Variants in VCL observed in about 807,000 individuals in gnomAD.
VCL encodes the protein epididymis luminal protein 114.
In VCL, 47 loss-of-function variants were observed where a neutral mutation model predicts 125.7. The observed-to-expected ratio is 0.37, with a 90% confidence interval of 0.30 to 0.48. VCL has a LOEUF of 0.48. Among genes scored for constraint, VCL ranks in the 20% least tolerant of loss-of-function variants. The probability of loss-of-function intolerance (pLI) is 0.99; values close to 1 mark genes in which losing one functional copy is unlikely to be tolerated. For missense variants in VCL, 1,069 were observed against 1,455.5 expected, an observed-to-expected ratio of 0.73 and a Z score of 4.32; for synonymous variants, 458 against 514.6, an observed-to-expected ratio of 0.89 and a Z score of 1.49.
At chr10:74,066,152 C>T (rs376357844) in intron 2 of VCL, among the ~76,000 whole-genome samples, 5 of 149,394 alleles carry the variant, frequency 3.3e-5, no homozygotes, top group African/African-American at 1.0e-4. Flanking sequence ...CTCCGCCTCC[C>T]GGGTTCAAGT....
intron 4 of VCL, 67 bp from the exon 5 acceptor site, chr10:74,072,663 G>A (rs1841679190): frequency 6.2e-7 from 1 of 1,611,586 alleles, no homozygotes; most frequent in Non-Finnish European, 8.5e-7. Context: ...AATGGATTTA[G>A]ACTGAGAAAG....
chr10:74,036,482 G>A (rs1026706386), intron 1 of VCL, among the ~76,000 whole-genome samples: 4 of 152,018 alleles, frequency 2.6e-5, no homozygotes, highest in African/African-American at 7.3e-5. Context: ...GATTACAGGC[G>A]TGAGCCACCG....
intron 2 of VCL, among the ~76,000 whole-genome samples, chr10:74,050,924 A>T (rs933331880): frequency 2.1e-5 from 3 of 140,984 alleles, no homozygotes; most frequent in Admixed American, 7.6e-5. Context: ...ATAATTTAGT[A>T]CTACTGTATT....
chr10:74,063,631 A>G (rs1000045117), intron 2 of VCL: 1 of 152,220 alleles, frequency 6.6e-6, no homozygotes, highest in Non-Finnish European at 1.5e-5. Flanking sequence ...TCTTTGAAGA[A>G]TGAGGACAAA....
At chr10:73,999,558 G>C (rs979332570) in intron 1 of VCL, among the ~76,000 whole-genome samples, 3 of 152,178 alleles carry the variant, frequency 2.0e-5, no homozygotes, top group Non-Finnish European at 4.4e-5. Flanking sequence ...TGTGTAAATA[G>C]TGTGTGTCAG....
At chr10:74,086,048 A>G (rs986158555) in intron 8 of VCL, among the ~76,000 whole-genome samples, 7 of 151,852 alleles carry the variant, frequency 4.6e-5, no homozygotes, top group African/African-American at 1.7e-4. Flanking sequence ...TTGTATTTTA[A>G]TAGAGACGGG....
At chr10:74,008,537 A>G (rs1469884197) in intron 1 of VCL, among the ~76,000 whole-genome samples, 3 of 152,330 alleles carry the variant, frequency 2.0e-5, no homozygotes, top group South Asian at 4.1e-4. Context: ...GCTGGTTACA[A>G]TGTAGTCTCA....
intron 11 of VCL, among the ~76,000 whole-genome samples, chr10:74,095,046 C>T (rs1839944672): frequency 6.6e-6 from 1 of 152,126 alleles, no homozygotes; most frequent in Non-Finnish European, 1.5e-5. Context: ...TTAGTACAAA[C>T]TTTCTAAATT....
intron 2 of VCL, among the ~76,000 whole-genome samples, chr10:74,044,487 G>A (rs1428574758): frequency 6.6e-6 from 1 of 152,212 alleles, no homozygotes; most frequent in Non-Finnish European, 1.5e-5. Context: ...CATCAGAGAA[G>A]TGCAAATTAT....
chr10:74,080,193 T>C (rs1250287601), intron 6 of VCL, among the ~76,000 whole-genome samples: 4 of 152,006 alleles, frequency 2.6e-5, no homozygotes, highest in Admixed American at 2.6e-4. Context: ...AGATTATGAA[T>C]TTGATTTCTG....
chr10:74,077,679 T>A (rs1284213954), intron 6 of VCL: 3 of 453,050 alleles, frequency 6.6e-6, no homozygotes, highest in Non-Finnish European at 1.3e-5. Flanking sequence ...CCATACTTGT[T>A]TCATGCCTCC....
At position 74,114,258 on chromosome 10, in the gene VCL, C is replaced by A. The variant is rs2131939835; in HGVS notation, c.3024C>A (p.Gly1008=). 5 of 1,614,070 alleles carry A rather than the reference C, an allele frequency of 3.1e-6. No individual in the cohort carries two copies. The highest frequency in any genetic ancestry group is 4.2e-6 in the Non-Finnish European group (5 of 1,180,018). Residue 1008 remains glycine (G), a synonymous_variant, in exon 20 of 22, where the codon GGC becomes GGA. Transcript: ENST00000211998. The stretch of plus-strand genomic sequence containing the variant: ...AGATGTCTCGGCTGGTAAGAGGGGG[C>A]AGTGGTACCAAGCGGGCACTCATTC... ...MAEMSRLVRG[G]SGTKRALIQC...
At chr10:74,022,865 T>C (rs1840699531) in intron 1 of VCL, among the ~76,000 whole-genome samples, 1 of 152,088 alleles carries the variant, frequency 6.6e-6, no homozygotes, top group Admixed American at 6.6e-5. Context: ...GGTCTTAAAC[T>C]CCTGACCCCA....
intron 16 of VCL, 95 bp from the exon 17 acceptor site, chr10:74,107,135 C>T: frequency 4.4e-6 from 7 of 1,602,658 alleles, no homozygotes; most frequent in Non-Finnish European, 5.1e-6. Context: ...AGCTTCACAT[C>T]CAGCTTTTGT....
At chr10:74,059,892 A>T (rs898025154) in intron 2 of VCL, among the ~76,000 whole-genome samples, 1 of 152,232 alleles carries the variant, frequency 6.6e-6, no homozygotes. Flanking sequence ...TGCTGGGCAC[A>T]GTGGCTCACG....
chr10:74,027,643 C>CAAAAAAAAAAAAAAAAAAAAAAAA (rs57887979), intron 1 of VCL: 1 of 76,300 alleles, frequency 1.3e-5, no homozygotes, highest in African/African-American at 5.8e-5. Flanking sequence ...GAGACTGTCT[C>CAAAAAAAAAAAAAAAAAAAAAAAA]AAAAAAAAAA....
In VCL at chr10:74,025,207, G is replaced by A. The variant is rs1840748524; in HGVS notation, c.169-17876G>A. Among the ~76,000 whole-genome samples, 7 of 151,882 alleles carry A rather than the reference G, an allele frequency of 4.6e-5. No homozygotes were observed. The South Asian group carries it at 1.2e-3, about 27-fold the overall frequency. On this transcript the variant is annotated intron_variant, in intron 1 of 21. Transcript: ENST00000211998. ...AATTTTTTGTATTTTCAGTAGAGAC[G>A]GGGATTCACCATGTTGGCCTGGCTG...
rs773292837 is a variant in VCL at position 74,101,091 on chromosome 10, A to G, written c.2016A>G (p.Thr672=). 13 of 1,613,168 alleles carry G rather than the reference A, an allele frequency of 8.1e-6. No homozygotes were observed. Among genetic ancestry groups the G allele is most frequent in the Non-Finnish European group, 1.1e-5 (13 of 1,179,464 alleles). ...CAGTGAAGACGGCCCGAGAACTCAC[A>G]CCCCAGGTTGGGTTTTGCTCATTCC... ...QASVKTAREL[T]PQVVSAARIL... is the part of the protein sequence containing the mutation. The change falls in exon 14 of 22, where the codon ACA becomes ACG. Residue 672 remains threonine (T), a synonymous_variant. Coordinates refer to ENST00000211998, the MANE Select transcript of VCL (RefSeq NM_014000.3).
At chr10:74,040,463 T>C (rs576872795) in intron 1 of VCL, among the ~76,000 whole-genome samples, 45 of 152,340 alleles carry the variant, frequency 3.0e-4, no homozygotes, top group African/African-American at 9.4e-4. Flanking sequence ...GGAATCTCTC[T>C]GTGTCTTAAA....
Sources: allele counts gnomAD v4.1 joint callset (sites outside exome capture counted in the v4.1 genomes callset), GRCh38; gene constraint gnomAD v4.1.1; transcripts MANE v1.5; gene names NCBI Gene and HGNC (gene_info 2026-07-23, HGNC 2026-07-21).